PDE4D: variants seen among roughly 807,000 people sequenced by gnomAD.
PDE4D encodes 3',5'-cyclic-AMP phosphodiesterase 4D.
PDE4D carries 24 observed loss-of-function variants against 87.4 expected under a neutral mutation model. That is an observed-to-expected ratio of 0.27 (90% CI 0.20 to 0.39). The LOEUF is 0.39. Among genes scored for constraint, PDE4D ranks in the 10% least tolerant of loss-of-function variants. The probability of loss-of-function intolerance (pLI) is 1.00; values close to 1 mark genes in which losing one functional copy is unlikely to be tolerated. For synonymous variants in PDE4D, 384 were observed against 383.2 expected (o/e 1.00, Z -0.02); for missense variants, 714 against 1,041.0 (o/e 0.69, Z 4.32).
At position 60,278,682 on chromosome 5, in the gene PDE4D, A is replaced by C. The variant is rs1480145983; in HGVS notation, c.-89-92995T>G. 3.0e-4 allele frequency among the ~76,000 whole-genome samples: 46 copies of C among 151,606 alleles called. 1 individual carries two copies. On this transcript the variant is annotated intron_variant, in intron 1 of 16. Transcript: ENST00000502484. ...TCTCCTGTATTCTGCCCATCCACTA[A>C]GCTTTTTCTTTTAGTTATTGTATTT...
intron 1 of PDE4D, among the ~76,000 whole-genome samples, chr5:59,743,369 T>C (rs889267360): frequency 2.0e-5 from 3 of 152,072 alleles, no homozygotes; most frequent in African/African-American, 7.2e-5. Flanking sequence ...CACCAAAAAA[T>C]GAGTACATAA....
At chr5:59,682,385 A>C (rs1007557392) in intron 1 of PDE4D, among the ~76,000 whole-genome samples, 2 of 152,164 alleles carry the variant, frequency 1.3e-5, no homozygotes, top group Non-Finnish European at 2.9e-5. Context: ...GGATATAAGG[A>C]GTTAGCATCC....
At chr5:59,166,762 AAAT>A (rs1168267388) in intron 5 of PDE4D, among the ~76,000 whole-genome samples, 13 of 152,282 alleles carry the variant, frequency 8.5e-5, no homozygotes, top group Admixed American at 6.5e-5. Context: ...ATCATATTGG[AAAT>A]AATATTTTTG....
chr5:59,520,822 A>G (rs549563003), intron 1 of PDE4D, among the ~76,000 whole-genome samples: 84 of 152,188 alleles, frequency 5.5e-4, no homozygotes, highest in Non-Finnish European at 9.0e-4. Flanking sequence ...TAAGAGATAA[A>G]AAAGAGCTGT....
chr5:59,783,331 C>T (rs1448271388), intron 1 of PDE4D, among the ~76,000 whole-genome samples: 1 of 152,128 alleles, frequency 6.6e-6, no homozygotes, highest in Non-Finnish European at 1.5e-5. Context: ...AAGTTATTCC[C>T]ATGTGTAGTC....
chr5:59,238,487 T>C (rs1489646414), intron 1 of PDE4D, among the ~76,000 whole-genome samples: 2 of 152,196 alleles, frequency 1.3e-5, no homozygotes, highest in Non-Finnish European at 2.9e-5. Flanking sequence ...TCAGCTCTTA[T>C]GTATTTATGA....
intron 1 of PDE4D, among the ~76,000 whole-genome samples, chr5:59,247,725 CCTG>C (rs964432872): frequency 6.2e-4 from 94 of 152,158 alleles, no homozygotes; most frequent in African/African-American, 1.9e-3. Flanking sequence ...TTGAACCTCA[CCTG>C]CTGCTCTGGC....
Position 60,274,608 on chromosome 5 carries a change from G to A in PDE4D, c.-89-88921C>T, listed in dbSNP as rs1236218253. ...ACTCCTGACCTCAAGTGATCCACCC[G>A]CCTCAGCCTCCCAAAGTGCTGGGAT... On this transcript the variant is annotated intron_variant, in intron 1 of 16. Transcript: ENST00000502484. Among the ~76,000 whole-genome samples, 14 of 152,092 alleles carry A rather than the reference G, an allele frequency of 9.2e-5. No homozygotes were observed. The East Asian group carries it at 9.6e-4, about 10-fold the overall frequency.
chr5:60,049,900 T>A (rs1031380929), intron 2 of PDE4D, among the ~76,000 whole-genome samples: 1 of 152,210 alleles, frequency 6.6e-6, no homozygotes, highest in Non-Finnish European at 1.5e-5. Context: ...CCACCCAGTT[T>A]GAGCTTCCTG....
At chr5:59,733,457 T>C (rs1247057505) in intron 1 of PDE4D, among the ~76,000 whole-genome samples, 2 of 152,050 alleles carry the variant, frequency 1.3e-5, no homozygotes, top group Non-Finnish European at 2.9e-5. Flanking sequence ...GTGTCTCCCA[T>C]ACCCCAATAA....
At chr5:59,544,487 T>C (rs572206219) in intron 1 of PDE4D, among the ~76,000 whole-genome samples, 2 of 152,322 alleles carry the variant, frequency 1.3e-5, no homozygotes, top group Admixed American at 1.3e-4. Context: ...GCATGAGAGA[T>C]AAATCTAATT....
chr5:59,720,248 A>C (rs1425704984), intron 1 of PDE4D, among the ~76,000 whole-genome samples: 1 of 152,088 alleles, frequency 6.6e-6, no homozygotes, highest in Non-Finnish European at 1.5e-5. Flanking sequence ...TGCAGCCTTA[A>C]AATGCTGGGT....
chr5:59,475,060 G>A (rs551556777), intron 1 of PDE4D, among the ~76,000 whole-genome samples: 43 of 152,058 alleles, frequency 2.8e-4, no homozygotes, highest in Non-Finnish European at 5.4e-4. Context: ...GAAGGAAGAA[G>A]GTGAAACCAA....
At chr5:59,502,611 A>C (rs1808489748) in intron 1 of PDE4D, among the ~76,000 whole-genome samples, 1 of 151,870 alleles carries the variant, frequency 6.6e-6, no homozygotes, top group South Asian at 2.1e-4. Flanking sequence ...CAATTAGGAA[A>C]ATTGAAAGCA....
rs6450497 is a variant in PDE4D at position 58,986,595 on chromosome 5, G to T, written c.1552+1898C>A. Reference sequence around the variant, plus strand: ...CCCTACTGTGAACTGCTCATGCAAGGGATCTAGGTTGTGCGTTCCTTATGA... The same window carrying T: ...CCCTACTGTGAACTGCTCATGCAAGTGATCTAGGTTGTGCGTTCCTTATGA... On this transcript the variant is annotated intron_variant, in intron 11 of 14. Transcript: ENST00000340635. 5.4e-3 allele frequency among the ~76,000 whole-genome samples: 825 copies of T among 152,280 alleles called. 8 individuals are homozygous for T. The highest frequency in any genetic ancestry group is 0.018 in the African/African-American group (745 of 41,538).
chr5:59,055,576 CT>C (rs1762215046), intron 5 of PDE4D, among the ~76,000 whole-genome samples: 1 of 151,904 alleles, frequency 6.6e-6, no homozygotes, highest in African/African-American at 2.4e-5. Context: ...TCATCTAGAC[CT>C]TTTTCCCTCT....
upstream of PDE4D, chr5:60,490,726 C>T (rs550029941): frequency 2.0e-5 from 3 of 152,260 alleles, no homozygotes; most frequent in African/African-American, 4.8e-5. Flanking sequence ...ATCTTAACCC[C>T]GCAAACAAGA....
intron 2 of PDE4D, among the ~76,000 whole-genome samples, chr5:60,129,903 A>G (rs529350381): frequency 9.8e-5 from 15 of 152,314 alleles, no homozygotes; most frequent in African/African-American, 3.4e-4. Context: ...GTATTCCCCC[A>G]AAACTCATCT....
chr5:59,112,962 G>A (rs1330648269), intron 5 of PDE4D, among the ~76,000 whole-genome samples: 3 of 151,874 alleles, frequency 2.0e-5, no homozygotes, highest in African/African-American at 7.3e-5. Context: ...CACCACGCAT[G>A]GCTAATTTTT....
Sources: gnomAD v4.1 joint callset for allele counts (sites outside exome capture counted in the v4.1 genomes callset) on GRCh38, gnomAD v4.1.1 for gene constraint, MANE v1.5 for transcripts, NCBI Gene and HGNC (gene_info 2026-07-23, HGNC 2026-07-21) for gene names.